Variants in DPP6 observed in about 807,000 individuals in gnomAD.
DPP6 encodes the protein A-type potassium channel modulatory protein DPP6.
A neutral mutation model predicts 122.6 loss-of-function variants in DPP6; 69 were observed. The observed-to-expected ratio is 0.56, with a 90% confidence interval of 0.46 to 0.69. DPP6 has a LOEUF of 0.69. Ranked by LOEUF, DPP6 falls within the 30% of genes least tolerant of loss-of-function variation. The pLI is 0.00. For synonymous variants in DPP6, 418 were observed against 433.1 expected (o/e 0.97, Z 0.43); for missense variants, 928 against 1,116.9 (o/e 0.83, Z 2.41).
At position 154,228,496 on chromosome 7, in the gene DPP6, G is replaced by T. The variant is rs566571774; in HGVS notation, c.243+175433G>T. ...TTGATATATAAATGTCAAAGATACC[G>T]CTTGGGTTCAAATGGTGCCAGAAGA... On this transcript the variant is annotated intron_variant, in intron 1 of 25. Coordinates refer to ENST00000377770, the MANE Select transcript of DPP6 (RefSeq NM_130797.4). Among the ~76,000 whole-genome samples the T allele has an allele frequency of 9.9e-5, 15 of 152,224 alleles. 1 individual carries two copies. The South Asian group carries it at 2.1e-3, about 21-fold the overall frequency.
chr7:153,796,003 A>G, the DPP6 span, among the ~76,000 whole-genome samples: 1 of 149,828 alleles, frequency 6.7e-6, no homozygotes, highest in African/African-American at 2.5e-5. Context: ...TAACCCTTTT[A>G]AATTTATTGA....
chr7:154,787,447 G>A (rs1797404304), intron 10 of DPP6, among the ~76,000 whole-genome samples: 1 of 152,132 alleles, frequency 6.6e-6, no homozygotes, highest in Non-Finnish European at 1.5e-5. Flanking sequence ...TGCATTAAAG[G>A]TGCCTGTCCA....
At chr7:154,505,267 C>T (rs1027246235) in intron 3 of DPP6, among the ~76,000 whole-genome samples, 2 of 152,140 alleles carry the variant, frequency 1.3e-5, no homozygotes, top group Admixed American at 1.3e-4. Flanking sequence ...AATAGATTTA[C>T]ATATATAGCA....
In DPP6 at chr7:154,053,007, G is replaced by A. The variant is rs892507991; in HGVS notation, c.187G>A (p.Ala63Thr). The change falls in exon 1 of 26, where the codon GCG becomes ACG. Residue 63 changes from alanine (A) to threonine (T), a missense_variant. Coordinates refer to ENST00000377770, the MANE Select transcript of DPP6 (RefSeq NM_130797.4). ...PRERGGGGGGAGGRPRFQYQA... is the reference protein window; with the variant it reads ...PRERGGGGGGTGGRPRFQYQA... ...GGAGCGCGGCGGCGGCGGCGGCGGC[G>A]CGGGTGGCCGGCCCCGGTTCCAGTA... 12 of 1,053,286 alleles carry A rather than the reference G, an allele frequency of 1.1e-5. No individual in the cohort carries two copies. The highest frequency in any genetic ancestry group is 8.5e-5 in the African/African-American group (5 of 58,608). The allele number at this position is 1,053,286 out of a possible 1,614,324, so 65.2% of individuals were successfully genotyped here.
intron 1 of DPP6, among the ~76,000 whole-genome samples, chr7:154,054,300 G>A (rs1035257456): frequency 2.0e-5 from 3 of 152,202 alleles, no homozygotes; most frequent in Admixed American, 1.3e-4. Flanking sequence ...TAGTGCAAGA[G>A]TTGTGTTTGG....
the DPP6 span, among the ~76,000 whole-genome samples, chr7:153,829,822 G>A: frequency 6.6e-6 from 1 of 152,278 alleles, no homozygotes; most frequent in East Asian, 1.9e-4. Flanking sequence ...TTGTCAGATT[G>A]ACCGATTGTT....
intron 1 of DPP6, among the ~76,000 whole-genome samples, chr7:154,229,524 A>G (rs938138214): frequency 1.3e-5 from 2 of 152,220 alleles, no homozygotes; most frequent in African/African-American, 4.8e-5. Flanking sequence ...CACTTAGAGC[A>G]TGAACAAGAT....
intron 1 of DPP6, among the ~76,000 whole-genome samples, chr7:153,934,251 G>A (rs546282518): frequency 5.2e-4 from 79 of 152,280 alleles, no homozygotes; most frequent in Non-Finnish European, 8.4e-4. Flanking sequence ...AGGTGAGCGA[G>A]CTGTGGCCAG....
the DPP6 span, among the ~76,000 whole-genome samples, chr7:153,881,709 A>G: frequency 3.3e-5 from 5 of 152,052 alleles, no homozygotes; most frequent in South Asian, 1.0e-3. Flanking sequence ...TTCCACCCTC[A>G]TTTCCATCAC....
intron 19 of DPP6, 62 bp downstream of exon 19, chr7:154,872,755 TA>T (rs1206022736): frequency 1.3e-6 from 2 of 1,555,194 alleles, no homozygotes; most frequent in East Asian, 4.8e-5. Context: ...ACACCCATGA[TA>T]AAGGAATATT....
At chr7:153,853,873 G>C in the DPP6 span, among the ~76,000 whole-genome samples, 1 of 150,798 alleles carries the variant, frequency 6.6e-6, no homozygotes, top group African/African-American at 2.4e-5. Flanking sequence ...GTCAATTTTG[G>C]CTTTTGTTGC....
chr7:154,343,759 T>G (rs759276699), intron 1 of DPP6, among the ~76,000 whole-genome samples: 1 of 152,184 alleles, frequency 6.6e-6, no homozygotes, highest in South Asian at 2.1e-4. Flanking sequence ...TTTTGTATTA[T>G]TAGTACAGAT....
chr7:153,940,792 C>T (rs7802068), intron 1 of DPP6, among the ~76,000 whole-genome samples: 4,603 of 152,286 alleles, frequency 0.03, 229 homozygotes, highest in African/African-American at 0.1. Context: ...TGTCTCTACT[C>T]TTTAAGCCCC....
At chr7:154,265,264 G>A (rs1336194113) in intron 1 of DPP6, among the ~76,000 whole-genome samples, 1 of 140,854 alleles carries the variant, frequency 7.1e-6, no homozygotes, top group African/African-American at 2.5e-5. Flanking sequence ...TAATGGCGAT[G>A]ATGATGATGG....
chr7:154,737,682 A>C (rs1842632769), intron 8 of DPP6, among the ~76,000 whole-genome samples: 1 of 152,122 alleles, frequency 6.6e-6, no homozygotes, highest in South Asian at 2.1e-4. Flanking sequence ...GCTGCATATG[A>C]GTTGCATTAA....
At chr7:154,127,570 G>A (rs1281275228) in intron 1 of DPP6, among the ~76,000 whole-genome samples, 8 of 150,152 alleles carry the variant, frequency 5.3e-5, no homozygotes, top group Non-Finnish European at 1.0e-4. Context: ...TCATGCTGGG[G>A]GAGTTGGGGT....
intron 1 of DPP6, among the ~76,000 whole-genome samples, chr7:153,962,832 G>T (rs1414131510): frequency 6.6e-6 from 1 of 152,162 alleles, no homozygotes; most frequent in Non-Finnish European, 1.5e-5. Context: ...TAAGACTGTA[G>T]CAGTTTCTTG....
chr7:153,966,554 C>CTTTT (rs753840054), intron 1 of DPP6, among the ~76,000 whole-genome samples: 3 of 41,356 alleles, frequency 7.3e-5, no homozygotes, highest in African/African-American at 2.5e-4. Flanking sequence ...CCTGTGTTGG[C>CTTTT]TTTTTTTTTT....
intron 7 of DPP6, among the ~76,000 whole-genome samples, chr7:154,725,385 G>A (rs1241287115): frequency 6.6e-6 from 1 of 152,186 alleles, no homozygotes; most frequent in Non-Finnish European, 1.5e-5. Flanking sequence ...TGGCTGTACA[G>A]GAAGCATGGC....
Sources: allele counts gnomAD v4.1 joint callset (sites outside exome capture counted in the v4.1 genomes callset), GRCh38; gene constraint gnomAD v4.1.1; transcripts MANE v1.5; gene names NCBI Gene and HGNC (gene_info 2026-07-23, HGNC 2026-07-21).